Variants in DZIP1 observed in about 807,000 individuals in gnomAD.
The protein encoded by DZIP1 is cilium assembly protein DZIP1.
In DZIP1, 97 loss-of-function variants were observed where a neutral mutation model predicts 107.6. That is an observed-to-expected ratio of 0.90 (90% CI 0.77 to 1.07). DZIP1 has a LOEUF of 1.07. Among genes scored for constraint, DZIP1 ranks in the 50% least tolerant of loss-of-function variants. The pLI is 0.00. For missense variants in DZIP1, 1,035 were observed against 1,063.6 expected (o/e 0.97, Z 0.37); for synonymous variants, 390 against 386.4 (o/e 1.01, Z -0.11).
intron 12 of DZIP1, among the ~76,000 whole-genome samples, chr13:95,610,908 T>C (rs550821356): frequency 6.6e-5 from 10 of 152,306 alleles, no homozygotes; most frequent in Middle Eastern, 3.4e-3. Flanking sequence ...AGGTTGACCC[T>C]CACCAGATGT....
intron 20 of DZIP1, 129 bp downstream of exon 20, chr13:95,587,410 G>T: frequency 8.0e-7 from 1 of 1,246,820 alleles, no homozygotes; most frequent in Non-Finnish European, 1.1e-6. Flanking sequence ...TTCCGTGGGT[G>T]CCTTTGGGAT....
At chr13:95,609,542 A>G in intron 12 of DZIP1, 29 bp from the exon 13 acceptor site, 1 of 1,537,986 alleles carries the variant, frequency 6.5e-7, no homozygotes, top group South Asian at 1.2e-5. Context: ...AAATGAACAA[A>G]AAACATCACA....
chr13:95,618,955 T>C (rs183252575), intron 10 of DZIP1, among the ~76,000 whole-genome samples: 1 of 152,364 alleles, frequency 6.6e-6, no homozygotes, highest in East Asian at 1.9e-4. Context: ...ATTTTAACAC[T>C]TAAATTTCTG....
chr13:95,624,224 A>G (rs149033696), intron 8 of DZIP1, among the ~76,000 whole-genome samples: 1 of 152,204 alleles, frequency 6.6e-6, no homozygotes, highest in Non-Finnish European at 1.5e-5. Context: ...GAATTCTTAG[A>G]AGGACACTGA....
At position 95,641,970 on chromosome 13, in the gene DZIP1, G is replaced by A; in HGVS notation, c.36+24C>T. 2 of 1,573,902 alleles carry A rather than the reference G, an allele frequency of 1.3e-6. No individual in the cohort carries two copies. Among genetic ancestry groups the A allele is most frequent in the Non-Finnish European group, 1.7e-6 (2 of 1,165,470 alleles). On this transcript the variant is annotated intron_variant, in intron 4 of 22. Coordinates refer to ENST00000376829, the MANE Select transcript of DZIP1 (RefSeq NM_198968.4). This position sits in a 1 kb window ranked among gnomAD's most constrained non-coding sequence, Gnocchi z 4.3. ...CCCCAGCCCGGCATCCCCGTCGGGGGCGCCCCGGCCTCCCGCCTCTTACCA... is the reference window on the plus strand; with the variant it reads ...CCCCAGCCCGGCATCCCCGTCGGGGACGCCCCGGCCTCCCGCCTCTTACCA...
chr13:95,612,774 G>A (rs747504290), intron 10 of DZIP1, among the ~76,000 whole-genome samples: 1 of 152,014 alleles, frequency 6.6e-6, no homozygotes, highest in African/African-American at 2.4e-5. Context: ...TAGTAGAGGC[G>A]GGGTTTCACC....
intron 5 of DZIP1, among the ~76,000 whole-genome samples, chr13:95,636,517 C>A (rs1594742232): frequency 8.2e-6 from 1 of 121,532 alleles, no homozygotes; most frequent in African/African-American, 3.2e-5. Flanking sequence ...CACTCGGGGC[C>A]AGGGTGACAA....
intron 7 of DZIP1, among the ~76,000 whole-genome samples, chr13:95,626,585 G>A (rs1392076577): frequency 6.6e-6 from 1 of 152,028 alleles, no homozygotes; most frequent in African/African-American, 2.4e-5. Flanking sequence ...CAGACCAGAT[G>A]GCTTTACTGG....
chr13:95,619,799 T>C (rs1875592130), intron 10 of DZIP1, 86 bp downstream of exon 10: 1 of 1,356,478 alleles, frequency 7.4e-7, no homozygotes, highest in Admixed American at 1.9e-5. Flanking sequence ...TGTTATTAAG[T>C]GGACAAATAT....
Position 95,641,936 on chromosome 13 carries a change from C to T in DZIP1, c.36+58G>A, listed in dbSNP as rs758160060. The T allele has an allele frequency of 7.3e-6, 11 of 1,513,550 alleles. No homozygotes were observed. The highest frequency in any genetic ancestry group is 9.7e-6 in the Non-Finnish European group (11 of 1,139,642). The allele number at this position is 1,513,550 out of a possible 1,614,324, so 93.8% of individuals were successfully genotyped here. On this transcript the variant is annotated intron_variant, in intron 4 of 22. Transcript: ENST00000376829. This position sits in a 1 kb window ranked among gnomAD's most constrained non-coding sequence, Gnocchi z 4.3. ...TGGGGAGCTGGGGGTCCGGGGAAGC[C>T]CCGGTTCTCCCCAGCCCGGCATCCC...
rs762590555 is a variant in DZIP1 at position 95,611,445 on chromosome 13, C to A, written c.1363G>T (p.Gly455Ter). The change falls in exon 12 of 23, where the codon GGA becomes TGA. Residue 455 changes from glycine (G) to a stop codon, truncating the protein, a stop_gained and splice_region_variant. Coordinates refer to ENST00000376829, the MANE Select transcript of DZIP1 (RefSeq NM_198968.4). LOFTEE classifies it high-confidence loss of function. The part of the protein sequence containing the change: ...NPLNSISEPK[G>*]NPLAWQAFES... ...CAGTACCGGGATCCCATCCACTTACCTTTGGGTTCACTGATACTGTTTAAT... is the reference window on the plus strand; with the variant it reads ...CAGTACCGGGATCCCATCCACTTACATTTGGGTTCACTGATACTGTTTAAT... 1.2e-6 allele frequency: 2 copies of A among 1,613,504 alleles called. No individual in the cohort carries two copies. The highest frequency in any genetic ancestry group is 2.2e-5 in the South Asian group (2 of 91,024).
Position 95,587,898 on chromosome 13 carries a change from C to T in DZIP1, c.2028-169G>A, listed in dbSNP as rs1566361192. ...ATGGCGGCGAGGCCAGAGGTTATAC[C>T]CACGGCTGTAGCATCCTCCCACGCC... is the stretch of plus-strand genomic sequence containing the variant. On this transcript the variant is annotated intron_variant, in intron 19 of 22. Transcript: ENST00000376829. 1.3e-5 allele frequency: 10 copies of T among 748,248 alleles called. No individual in the cohort carries two copies. The South Asian group carries it at 1.9e-4, about 14-fold the overall frequency. The allele number at this position is 748,248 out of a possible 1,614,324, so 46.4% of individuals were successfully genotyped here.
chr13:95,621,990 A>G (rs1184790132), intron 9 of DZIP1, among the ~76,000 whole-genome samples: 2 of 151,980 alleles, frequency 1.3e-5, no homozygotes, highest in Non-Finnish European at 2.9e-5. Context: ...GTATATTTAA[A>G]CTCTAAAATT....
At chr13:95,612,777 G>T (rs1322769461) in intron 10 of DZIP1, among the ~76,000 whole-genome samples, 1 of 152,094 alleles carries the variant, frequency 6.6e-6, no homozygotes, top group Non-Finnish European at 1.5e-5. Flanking sequence ...TAGAGGCGGG[G>T]TTTCACCATG....
chr13:95,631,840 A>G lies in DZIP1; in HGVS notation c.685+1394T>C, dbSNP rs117407323. On this transcript the variant is annotated intron_variant, in intron 6 of 22. Transcript: ENST00000376829. ...TACAGTAGGACCACTCCCTCATGAT[A>G]CTCAGCTCAGCTCAGGGGAATCAGA... Among the ~76,000 whole-genome samples, 7 of 152,156 alleles carry G rather than the reference A, an allele frequency of 4.6e-5. No homozygotes were observed. The East Asian group carries it at 1.4e-3, about 29-fold the overall frequency.
chr13:95,633,949 A>G (rs990169532), intron 5 of DZIP1, among the ~76,000 whole-genome samples: 7 of 152,134 alleles, frequency 4.6e-5, no homozygotes, highest in African/African-American at 1.7e-4. Context: ...GTAAATAAAT[A>G]AAAATAAAAC....
Position 95,641,860 on chromosome 13 carries a change from G to A in DZIP1, c.37-5C>T, listed in dbSNP as rs1878563828. On this transcript the variant is annotated splice_polypyrimidine_tract_variant and splice_region_variant and intron_variant, in intron 4 of 22. Transcript: ENST00000376829. The surrounding 1 kb of genome is among the most constrained non-coding windows in gnomAD (Gnocchi z 4.3). ...GTAGACATGCTTCTGGAAGGGCTGC[G>A]GGGGGCACAAAGAGAGCGCGGCGGG... 1.4e-5 allele frequency: 20 copies of A among 1,446,430 alleles called. No homozygotes were observed. Among genetic ancestry groups the A allele is most frequent in the Non-Finnish European group, 1.8e-5 (20 of 1,106,846 alleles). 89.6% of individuals were successfully genotyped at this position (1,446,430 alleles called of 1,614,324 possible). A position where few individuals can be genotyped will look rare whatever the true frequency, so the allele number is the denominator to read the frequency against.
rs1285256321 is a variant in DZIP1 at position 95,579,461 on chromosome 13, A to G, written c.*2773T>C. On this transcript the variant is annotated 3_prime_UTR_variant, in exon 23 of 23. Transcript: ENST00000376829. ...ATTGTTTTCATCCTGCATTTACAGA[A>G]AAAGAAATGAAAACAGAGAGCTTAA... The G allele has an allele frequency of 6.6e-6, 1 of 152,256 alleles. No individual in the cohort carries two copies. The highest frequency in any genetic ancestry group is 1.5e-5 in the Non-Finnish European group (1 of 68,042). The allele number at this position is 152,256 out of a possible 1,614,324, so 9.4% of individuals were successfully genotyped here. A position where few individuals can be genotyped will look rare whatever the true frequency, so the allele number is the denominator to read the frequency against.
chr13:95,611,583 T>C (rs551105986), intron 11 of DZIP1, 90 bp from the exon 12 acceptor site: 9 of 1,113,452 alleles, frequency 8.1e-6, no homozygotes, highest in Admixed American at 1.9e-5. Context: ...TGTTAGTAAA[T>C]TAACCTTTTC....
Sources: gnomAD v4.1 joint callset for allele counts (sites outside exome capture counted in the v4.1 genomes callset) on GRCh38, gnomAD v4.1.1 for gene constraint, Gnocchi (gnomAD v3.1) non-coding constraint, MANE v1.5 for transcripts, NCBI Gene and HGNC (gene_info 2026-07-23, HGNC 2026-07-21) for gene names.